The following COL4A1 variants were observed in gnomAD, a reference collection of about 807,000 sequenced individuals.
COL4A1 encodes collagen alpha-1(IV) chain.
A neutral mutation model predicts 216.6 loss-of-function variants in COL4A1; 40 were observed. The ratio of observed to expected loss-of-function variants is 0.18; its 90% CI spans 0.14 to 0.24. The LOEUF is 0.24. COL4A1 is among the 10% of genes least tolerant of loss of function. The pLI is 1.00. For synonymous variants in COL4A1, 839 were observed against 810.7 expected (o/e 1.03, Z -0.59); for missense variants, 1,628 against 2,196.8 (o/e 0.74, Z 5.18).
chr13:110,210,819 C>T (rs1458020064), intron 8 of COL4A1, among the ~76,000 whole-genome samples: 1 of 152,102 alleles, frequency 6.6e-6, no homozygotes, highest in Admixed American at 6.5e-5. Flanking sequence ...GACTGACCTC[C>T]CTGGAGGAAG....
At position 110,175,327 on chromosome 13, in the gene COL4A1, A is replaced by T. The variant is rs753387543; in HGVS notation, c.3089T>A (p.Ile1030Asn). Reference sequence around the variant, plus strand: ...GCCAGGTGAACCTTGTGGGCCAGGGATGCCAGGCACACCTTTCTCTCCAGG... The same window carrying T: ...GCCAGGTGAACCTTGTGGGCCAGGGTTGCCAGGCACACCTTTCTCTCCAGG... Reference protein sequence around the residue: ...GTPGEKGVPGIPGPQGSPGLP... With the variant: ...GTPGEKGVPGNPGPQGSPGLP... Residue 1030 changes from isoleucine to asparagine, a missense_variant, in exon 37 of 52, where the codon ATC becomes AAC. Ile to Asn is a moderately radical substitution (Grantham distance 149, BLOSUM62 -3). This residue lies in a region of COL4A1 where 58 missense variants were observed against 132.5 expected (regional missense o/e 0.44). Coordinates refer to ENST00000375820, the MANE Select transcript of COL4A1 (RefSeq NM_001845.6). 6.2e-7 allele frequency: 1 copy of T among 1,614,194 alleles called. No individual in the cohort carries two copies. Among genetic ancestry groups the T allele is most frequent in the South Asian group, 1.1e-5 (1 of 91,080 alleles).
chr13:110,195,637 T>C (rs1474112605), intron 21 of COL4A1, among the ~76,000 whole-genome samples: 1 of 152,194 alleles, frequency 6.6e-6, no homozygotes, highest in Non-Finnish European at 1.5e-5. Context: ...ATTCTGAGCA[T>C]CATTTATGTA....
At chr13:110,269,049 C>T (rs921457519) in intron 1 of COL4A1, among the ~76,000 whole-genome samples, 1 of 152,198 alleles carries the variant, frequency 6.6e-6, no homozygotes, top group African/African-American at 2.4e-5. Context: ...TGACCCGGAG[C>T]CACTTGGAAA....
At chr13:110,241,884 A>G (rs1035272755) in intron 2 of COL4A1, among the ~76,000 whole-genome samples, 1 of 152,198 alleles carries the variant, frequency 6.6e-6, no homozygotes, top group African/African-American at 2.4e-5. Flanking sequence ...AGCTTTCTGG[A>G]AACAGTATCC....
At chr13:110,209,882 A>G (rs1453584320) in intron 10 of COL4A1, 98 bp downstream of exon 10, 4 of 1,422,642 alleles carry the variant, frequency 2.8e-6, no homozygotes, top group Admixed American at 1.7e-5. Flanking sequence ...GAGCGACCAC[A>G]ACTGTGTAAA....
chr13:110,176,458 TC>T lies in COL4A1; in HGVS notation c.3023del (p.Gly1008AspfsTer50). On this transcript the variant is annotated frameshift_variant, in exon 36 of 52. Coordinates refer to ENST00000375820, the MANE Select transcript of COL4A1 (RefSeq NM_001845.6). LOFTEE classifies it high-confidence loss of function. ...SGTPGAPGLP[G>X]PKGSVGGMGL... Reference sequence around the variant, plus strand: ...CCATTCCACCAACAGATCCTTTTGGTCCCGGAAGTCCTGGAGCACCTGGGGT... The same window carrying T: ...CCATTCCACCAACAGATCCTTTTGGTCCGGAAGTCCTGGAGCACCTGGGGT... 1 of 1,614,038 alleles carries T rather than the reference TC, an allele frequency of 6.2e-7. No individual in the cohort carries two copies. Among genetic ancestry groups the T allele is most frequent in the Non-Finnish European group, 8.5e-7 (1 of 1,179,868 alleles).
intron 22 of COL4A1, among the ~76,000 whole-genome samples, chr13:110,194,497 T>G (rs940563424): frequency 2.0e-5 from 3 of 152,056 alleles, no homozygotes; most frequent in Non-Finnish European, 4.4e-5. Flanking sequence ...CCTGTGCGGG[T>G]AGTAAGGCAA....
At chr13:110,160,279 A>G (rs1375521673) in intron 49 of COL4A1, among the ~76,000 whole-genome samples, 1 of 140,506 alleles carries the variant, frequency 7.1e-6, no homozygotes, top group East Asian at 2.3e-4. Flanking sequence ...CGTCTCTACT[A>G]AAAATACAAA....
intron 2 of COL4A1, among the ~76,000 whole-genome samples, chr13:110,219,927 TATGTATATGTGTGTGTATATATAC>T (rs1880381682): frequency 9.4e-6 from 1 of 105,826 alleles, no homozygotes. Context: ...TATATATATG[TATGTATATGTGTGTGTATATATAC>T]ACATACATAC....
chr13:110,170,877 C>T lies in COL4A1; in HGVS notation c.3557-145G>A, dbSNP rs150058556. ...CTTCCAGGGACACCACAGGAAACTG[C>T]AGCAAGGGCTCCGATCCCTCCTTCT... On this transcript the variant is annotated intron_variant, in intron 41 of 51. Transcript: ENST00000375820. 39 of 815,022 alleles carry T rather than the reference C, an allele frequency of 4.8e-5. No individual in the cohort carries two copies. In the African/African-American group the frequency reaches 5.7e-4, roughly 12 times the overall value. The allele number at this position is 815,022 out of a possible 1,614,324, so 50.5% of individuals were successfully genotyped here. A position where few individuals can be genotyped will look rare whatever the true frequency, so the allele number is the denominator to read the frequency against.
chr13:110,211,613 T>A lies in COL4A1; in HGVS notation c.468+34A>T. On this transcript the variant is annotated intron_variant, in intron 8 of 51. Coordinates refer to ENST00000375820, the MANE Select transcript of COL4A1 (RefSeq NM_001845.6). This position sits in a 1 kb window ranked among gnomAD's most constrained non-coding sequence, Gnocchi z 4.3. ...CTTGTTGTAAACAGATTCCCTGTAA[T>A]GAATCCAATAAAGCAAAATAAAATA... The A allele has an allele frequency of 6.2e-7, 1 of 1,603,416 alleles. No homozygotes were observed. Among genetic ancestry groups the A allele is most frequent in the Non-Finnish European group, 8.5e-7 (1 of 1,174,264 alleles).
In COL4A1 at chr13:110,176,575, G is replaced by A. The variant is rs1562173; in HGVS notation, c.2968+51C>T. 0.36 allele frequency: 572,366 copies of A among 1,591,596 alleles called. 104,303 individuals carry two copies. Among genetic ancestry groups the A allele is most frequent in the Admixed American group, 0.38 (23,007 of 59,928 alleles). Reference sequence around the variant, plus strand: ...TCTACAGAAAGAGCTGGGGAACACAGGCCTCATCCTGAGCCCTTGCCACAC... The same window carrying A: ...TCTACAGAAAGAGCTGGGGAACACAAGCCTCATCCTGAGCCCTTGCCACAC... On this transcript the variant is annotated intron_variant, in intron 35 of 51. Transcript: ENST00000375820.
intron 1 of COL4A1, among the ~76,000 whole-genome samples, chr13:110,250,828 G>A (rs569743486): frequency 8.5e-5 from 13 of 152,302 alleles, no homozygotes; most frequent in Admixed American, 6.5e-4. Flanking sequence ...CCCAGCATCC[G>A]GGTCCCACGG....
At chr13:110,301,214 A>T (rs558614380) in intron 1 of COL4A1, among the ~76,000 whole-genome samples, 10 of 152,380 alleles carry the variant, frequency 6.6e-5, no homozygotes, top group Admixed American at 6.5e-4. Context: ...GCCAGCAGGC[A>T]GCTCCCTCTA....
At chr13:110,280,040 C>T (rs756299918) in intron 1 of COL4A1, among the ~76,000 whole-genome samples, 1 of 152,204 alleles carries the variant, frequency 6.6e-6, no homozygotes, top group South Asian at 2.1e-4. Context: ...CTTACCCTTC[C>T]TTATGAATAT....
In COL4A1 at chr13:110,170,497, G is replaced by A. The variant is rs1041140576; in HGVS notation, c.3742+50C>T. Reference sequence around the variant, plus strand: ...TATTTCTTTTACGCTATTTCCTTTTGTGAATTCTGTCCCAGTCCTCAGCCC... The same window carrying A: ...TATTTCTTTTACGCTATTTCCTTTTATGAATTCTGTCCCAGTCCTCAGCCC... On this transcript the variant is annotated intron_variant, in intron 42 of 51. Transcript: ENST00000375820. The A allele has an allele frequency of 2.0e-6, 3 of 1,537,786 alleles. No individual in the cohort carries two copies. In the African/African-American group the frequency reaches 4.1e-5, roughly 21 times the overall value.
chr13:110,256,786 T>C (rs925633430), intron 1 of COL4A1, among the ~76,000 whole-genome samples: 8 of 152,052 alleles, frequency 5.3e-5, no homozygotes, highest in Non-Finnish European at 1.2e-4. Context: ...GGATAGCAAA[T>C]AGATATTCTT....
intron 49 of COL4A1, among the ~76,000 whole-genome samples, chr13:110,159,889 T>TGTCTACG (rs1306276067): frequency 6.6e-6 from 1 of 151,356 alleles, no homozygotes; most frequent in African/African-American, 2.4e-5. Flanking sequence ...TTACATGAGG[T>TGTCTACG]GTCTACGGGG....
chr13:110,155,595 T>C (rs998299832), intron 49 of COL4A1, among the ~76,000 whole-genome samples, 198 bp from the exon 50 acceptor site: 5 of 152,184 alleles, frequency 3.3e-5, no homozygotes, highest in Non-Finnish European at 7.4e-5. Flanking sequence ...CCTGTCTCAG[T>C]ATTAAAACAT....
Sources: allele counts gnomAD v4.1 joint callset (sites outside exome capture counted in the v4.1 genomes callset), GRCh38; gene constraint gnomAD v4.1.1; regional missense constraint gnomAD v4.1.1; non-coding constraint Gnocchi (gnomAD v3.1); transcripts MANE v1.5; gene names NCBI Gene and HGNC (gene_info 2026-07-23, HGNC 2026-07-21).